Variants in JARID2 observed in about 807,000 individuals in gnomAD.
JARID2 encodes protein Jumonji.
In JARID2, 21 loss-of-function variants were observed where a neutral mutation model predicts 125.6. The ratio of observed to expected loss-of-function variants is 0.17; its 90% CI spans 0.12 to 0.24. The LOEUF is 0.24. Ranked by LOEUF, JARID2 falls within the 10% of genes least tolerant of loss-of-function variation. The probability of loss-of-function intolerance (pLI) is 1.00; values close to 1 mark genes in which losing one functional copy is unlikely to be tolerated. For synonymous variants in JARID2, 736 were observed against 661.6 expected (o/e 1.11, Z -1.73); for missense variants, 1,303 against 1,639.6 (o/e 0.79, Z 3.55).
At chr6:15,378,564 A>G (rs1380940433) in intron 2 of JARID2, among the ~76,000 whole-genome samples, 1 of 152,186 alleles carries the variant, frequency 6.6e-6, no homozygotes, top group Non-Finnish European at 1.5e-5. Context: ...TAGATGTGGT[A>G]GTGACTTTCT....
intron 3 of JARID2, among the ~76,000 whole-genome samples, chr6:15,432,114 C>A (rs1269454666): frequency 6.7e-6 from 1 of 148,282 alleles, no homozygotes; most frequent in African/African-American, 2.5e-5. Flanking sequence ...AAAAAAAAAA[C>A]ACAGATTTAT....
intron 3 of JARID2, among the ~76,000 whole-genome samples, chr6:15,414,806 A>T (rs543300291): frequency 6.6e-6 from 1 of 151,718 alleles, no homozygotes; most frequent in East Asian, 1.9e-4. Context: ...TATAACATAT[A>T]TTTTTTTGTT....
intron 1 of JARID2, among the ~76,000 whole-genome samples, chr6:15,260,680 C>A (rs1759839155): frequency 6.6e-6 from 1 of 152,236 alleles, no homozygotes; most frequent in Non-Finnish European, 1.5e-5. Context: ...GAGTGCAATA[C>A]TGCACGCTCT....
chr6:15,255,887 A>C (rs1759645135), intron 1 of JARID2, among the ~76,000 whole-genome samples: 1 of 152,180 alleles, frequency 6.6e-6, no homozygotes, highest in Admixed American at 6.5e-5. Context: ...AGATTTGGAC[A>C]GGCTTGTGAA....
chr6:15,352,087 C>T (rs774726349), intron 1 of JARID2, among the ~76,000 whole-genome samples: 8 of 152,088 alleles, frequency 5.3e-5, no homozygotes, highest in African/African-American at 1.2e-4. Flanking sequence ...TTCTGTCCGA[C>T]GTAAGGGAGG....
chr6:15,521,351 A>G lies in JARID2; in HGVS notation c.*1100A>G, dbSNP rs1771840821. On this transcript the variant is annotated 3_prime_UTR_variant, in exon 18 of 18. Coordinates refer to ENST00000341776, the MANE Select transcript of JARID2 (RefSeq NM_004973.4). The stretch of plus-strand genomic sequence containing the variant: ...GTAACAAAAAGGAAAAAAGAAAAAA[A>G]AATCCCATCCCTTTTGTACATATGC... 6.6e-6 allele frequency: 1 copy of G among 151,972 alleles called. No individual in the cohort carries two copies. Among genetic ancestry groups the G allele is most frequent in the Non-Finnish European group, 1.5e-5 (1 of 68,026 alleles). 9.4% of individuals were successfully genotyped at this position (151,972 alleles called of 1,614,324 possible). A position where few individuals can be genotyped will look rare whatever the true frequency, so the allele number is the denominator to read the frequency against.
intron 3 of JARID2, among the ~76,000 whole-genome samples, chr6:15,422,548 C>T (rs991526326): frequency 6.6e-6 from 1 of 152,188 alleles, no homozygotes; most frequent in Non-Finnish European, 1.5e-5. Context: ...TGCTGCTCAT[C>T]GACATTCGTG....
intron 1 of JARID2, among the ~76,000 whole-genome samples, chr6:15,314,395 T>C (rs1345381920): frequency 6.6e-6 from 1 of 152,228 alleles, no homozygotes; most frequent in African/African-American, 2.4e-5. Flanking sequence ...CTTATAAATT[T>C]ACCCCAAGCA....
At chr6:15,362,654 T>G (rs1406159226) in intron 1 of JARID2, among the ~76,000 whole-genome samples, 2 of 152,254 alleles carry the variant, frequency 1.3e-5, no homozygotes, top group East Asian at 3.9e-4. Context: ...TGGAGTTTTC[T>G]TCTGAGATTC....
At chr6:15,314,800 G>T (rs151013091) in intron 1 of JARID2, 5 of 152,298 alleles carry the variant, frequency 3.3e-5, no homozygotes, top group African/African-American at 1.2e-4. Context: ...ATTATAAATT[G>T]CCTTTATTAC....
At chr6:15,318,247 A>T (rs898853693) in intron 1 of JARID2, among the ~76,000 whole-genome samples, 1 of 152,078 alleles carries the variant, frequency 6.6e-6, no homozygotes, top group East Asian at 1.9e-4. Flanking sequence ...GGACTTCTCC[A>T]TTTGTATTTA....
rs1759268448 is a variant in JARID2, at chr6:15,248,316, G to C, written c.45+1732G>C. On this transcript the variant is annotated intron_variant, in intron 1 of 17. Coordinates refer to ENST00000341776, the MANE Select transcript of JARID2 (RefSeq NM_004973.4). Reference sequence around the variant, plus strand: ...GGGGGCATACTCCGGGCTCTAGGCGGGCGCGCGAGGCGGGCACCGGTCTAC... The same window carrying C: ...GGGGGCATACTCCGGGCTCTAGGCGCGCGCGCGAGGCGGGCACCGGTCTAC... Among the ~76,000 whole-genome samples, 4 of 147,778 alleles carry C rather than the reference G, an allele frequency of 2.7e-5. No individual in the cohort carries two copies. In the South Asian group the frequency reaches 6.3e-4, roughly 23 times the overall value.
At chr6:15,263,714 T>G (rs1388934500) in intron 1 of JARID2, among the ~76,000 whole-genome samples, 1 of 151,276 alleles carries the variant, frequency 6.6e-6, no homozygotes, top group Admixed American at 6.6e-5. Flanking sequence ...TGCCTCAGCC[T>G]CCAGAGTAGC....
intron 5 of JARID2, among the ~76,000 whole-genome samples, chr6:15,486,657 A>G (rs1245957344): frequency 6.6e-6 from 1 of 152,196 alleles, no homozygotes; most frequent in Non-Finnish European, 1.5e-5. Flanking sequence ...GAATTTAGGA[A>G]CAGAAAATGG....
At chr6:15,252,153 A>G (rs1370253537) in intron 1 of JARID2, among the ~76,000 whole-genome samples, 1 of 152,244 alleles carries the variant, frequency 6.6e-6, no homozygotes, top group Non-Finnish European at 1.5e-5. Flanking sequence ...AACTTCAGTT[A>G]TGCCCAGACT....
intron 6 of JARID2, among the ~76,000 whole-genome samples, chr6:15,491,183 A>G (rs551918505): frequency 6.6e-6 from 1 of 152,370 alleles, no homozygotes; most frequent in East Asian, 1.9e-4. Context: ...TTTTCTTCTC[A>G]TGACATTATT....
Position 15,520,705 on chromosome 6 carries a change from A to G in JARID2, c.*454A>G, listed in dbSNP as rs1333534358. 4.4e-6 allele frequency: 2 copies of G among 453,794 alleles called. No homozygotes were observed. The highest frequency in any genetic ancestry group is 4.0e-5 in the African/African-American group (2 of 49,922). 28.1% of individuals were successfully genotyped at this position (453,794 alleles called of 1,614,324 possible). On this transcript the variant is annotated 3_prime_UTR_variant, in exon 18 of 18. Transcript: ENST00000341776. ...GACACACGCGCACACACACACACAC[A>G]CGAAACTTGAAATGGCTTTGCTTTG... is the stretch of plus-strand genomic sequence containing the variant.
At position 15,507,276 on chromosome 6, in the gene JARID2, C is replaced by G. The variant is rs931058718; in HGVS notation, c.2660+22C>G. ...CGAGGTAACCTGGGATTCTCTCGTC[C>G]AGGTTCTTGGGGATGTGACTGCATC... is the stretch of plus-strand genomic sequence containing the variant. On this transcript the variant is annotated intron_variant, in intron 10 of 17. Coordinates refer to ENST00000341776, the MANE Select transcript of JARID2 (RefSeq NM_004973.4). 3 of 1,605,302 alleles carry G rather than the reference C, an allele frequency of 1.9e-6. No individual in the cohort carries two copies. The African/African-American group carries it at 4.0e-5, about 21-fold the overall frequency.
At position 15,496,189 on chromosome 6, in the gene JARID2, G is replaced by T; in HGVS notation, c.964G>T (p.Ala322Ser). 6.2e-7 allele frequency: 1 copy of T among 1,614,082 alleles called. No homozygotes were observed. The highest frequency in any genetic ancestry group is 2.2e-5 in the East Asian group (1 of 44,870). Residue 322 changes from alanine (A) to serine (S), a missense_variant, in exon 7 of 18, where the codon GCC becomes TCC. By Grantham distance (99) the Ala-to-Ser change is moderately conservative (BLOSUM62 1). Coordinates refer to ENST00000341776, the MANE Select transcript of JARID2 (RefSeq NM_004973.4). The part of the protein sequence containing the change: ...MSSLGAGVTS[A>S]KKMREVRPSP... ...ATCTCTGGGTGCAGGTGTAACCAGT[G>T]CCAAAAAGATGCGCGAGGTCAGACC...
Sources: gnomAD v4.1 joint callset for allele counts (sites outside exome capture counted in the v4.1 genomes callset) on GRCh38, gnomAD v4.1.1 for gene constraint, MANE v1.5 for transcripts, NCBI Gene and HGNC (gene_info 2026-07-23, HGNC 2026-07-21) for gene names.